CDK5RAP2: variants seen among roughly 807,000 people sequenced by gnomAD.
CDK5RAP2 encodes the protein CDK5 regulatory subunit-associated protein 2.
In CDK5RAP2, 147 loss-of-function variants were observed where a neutral mutation model predicts 232.9. That is an observed-to-expected ratio of 0.63 (90% CI 0.55 to 0.72). The LOEUF (loss-of-function observed/expected upper bound fraction) is 0.72, where lower values mean the gene tolerates loss of function less well. Among genes scored for constraint, CDK5RAP2 ranks in the 30% least tolerant of loss-of-function variants. The probability of loss-of-function intolerance (pLI) is 0.00; values close to 1 mark genes in which losing one functional copy is unlikely to be tolerated. For synonymous variants in CDK5RAP2, 833 were observed against 833.7 expected (o/e 1.00, Z 0.01); for missense variants, 2,195 against 2,231.5 (o/e 0.98, Z 0.33).
At chr9:120,567,504 T>G (rs2042689682) in intron 3 of CDK5RAP2, among the ~76,000 whole-genome samples, 3 of 152,226 alleles carry the variant, frequency 2.0e-5, no homozygotes, top group African/African-American at 7.2e-5. Context: ...AGGGTCTAAT[T>G]CTTCCCATGA....
chr9:120,487,498 G>T, intron 13 of CDK5RAP2, 61 bp from the exon 14 acceptor site: 3 of 1,284,978 alleles, frequency 2.3e-6, no homozygotes, highest in Non-Finnish European at 2.2e-6. Context: ...TTAAGAAACT[G>T]TCCCAAACTC....
At chr9:120,390,696 C>T (rs565895913) in intron 36 of CDK5RAP2, among the ~76,000 whole-genome samples, 1 of 152,252 alleles carries the variant, frequency 6.6e-6, no homozygotes, top group East Asian at 1.9e-4. Flanking sequence ...GCTTACTCCC[C>T]ACGTTGGAAA....
intron 12 of CDK5RAP2, among the ~76,000 whole-genome samples, chr9:120,499,387 GGTTTT>G (rs1005930930): frequency 1.3e-5 from 2 of 151,806 alleles, no homozygotes; most frequent in Non-Finnish European, 2.9e-5. Context: ...AATGAGCAGG[GGTTTT>G]TTTTTTAAAG....
chr9:120,573,548 C>CAA (rs751907820), intron 1 of CDK5RAP2, among the ~76,000 whole-genome samples: 2 of 91,800 alleles, frequency 2.2e-5, no homozygotes, highest in Non-Finnish European at 4.5e-5. Context: ...GACTCCATCT[C>CAA]AAAAAAAAAA....
At position 120,467,943 on chromosome 9, in the gene CDK5RAP2, T is replaced by C. The variant is rs747796158; in HGVS notation, c.2023A>G (p.Lys675Glu). ...KELYTDNQHLKKTIFDLSCMG... is the reference protein window; with the variant it reads ...KELYTDNQHLEKTIFDLSCMG... Reference sequence around the variant, plus strand: ...CAGGAGAGATCAAAAATGGTTTTCTTCAGGTGCTGGTTGTCTGTATACAGC... The same window carrying C: ...CAGGAGAGATCAAAAATGGTTTTCTCCAGGTGCTGGTTGTCTGTATACAGC... The change falls in exon 18 of 38, where the codon AAG becomes GAG. Residue 675 changes from lysine (K) to glutamate (E), a missense_variant. Coordinates refer to ENST00000349780, the MANE Select transcript of CDK5RAP2 (RefSeq NM_018249.6). The C allele has an allele frequency of 6.2e-7, 1 of 1,614,164 alleles. No individual in the cohort carries two copies. The highest frequency in any genetic ancestry group is 8.5e-7 in the Non-Finnish European group (1 of 1,179,996).
intron 11 of CDK5RAP2, among the ~76,000 whole-genome samples, chr9:120,522,155 A>G (rs1253898064): frequency 6.6e-6 from 1 of 152,144 alleles, no homozygotes. Flanking sequence ...ATATGCACAC[A>G]CCCCCATACA....
chr9:120,481,465 C>A (rs937812235), intron 14 of CDK5RAP2, among the ~76,000 whole-genome samples: 1 of 150,652 alleles, frequency 6.6e-6, no homozygotes, highest in African/African-American at 2.4e-5. Context: ...TGACCTTGAA[C>A]AAGTTACTCA....
intron 32 of CDK5RAP2, among the ~76,000 whole-genome samples, chr9:120,404,320 G>GA (rs1455393390): frequency 2.6e-5 from 4 of 152,304 alleles, no homozygotes; most frequent in African/African-American, 9.6e-5. Context: ...CCATTCCCTA[G>GA]AAAAACTCTC....
rs2042391027 is a variant in CDK5RAP2, at chr9:120,559,630, G to C, written c.195+8691C>G. On this transcript the variant is annotated intron_variant, in intron 3 of 37. Transcript: ENST00000349780. ...CTGAAAACAGCTTACAATACAGTAG[G>C]AATAATTACCCAAAATATAAAACCC... is the stretch of plus-strand genomic sequence containing the variant. Among the ~76,000 whole-genome samples the C allele has an allele frequency of 3.4e-5, 5 of 145,350 alleles. No individual in the cohort carries two copies. The South Asian group carries it at 1.1e-3, about 31-fold the overall frequency.
intron 28 of CDK5RAP2, among the ~76,000 whole-genome samples, chr9:120,413,801 A>G (rs2034005326): frequency 7.6e-6 from 1 of 132,014 alleles, no homozygotes; most frequent in African/African-American, 2.8e-5. Flanking sequence ...AAATGGGCGC[A>G]GTGAGCGAGG....
chr9:120,469,868 G>A (rs1217292468), intron 17 of CDK5RAP2, among the ~76,000 whole-genome samples: 1 of 152,116 alleles, frequency 6.6e-6, no homozygotes, highest in Admixed American at 6.6e-5. Flanking sequence ...CTAAACTGAG[G>A]GGCCAGAGAG....
intron 34 of CDK5RAP2, 61 bp from the exon 35 acceptor site, chr9:120,400,946 C>T: frequency 6.3e-7 from 1 of 1,584,340 alleles, no homozygotes. Context: ...GACAAGCAAG[C>T]CTTAACATGC....
At chr9:120,425,654 A>C (rs576509975) in intron 25 of CDK5RAP2, among the ~76,000 whole-genome samples, 1 of 152,334 alleles carries the variant, frequency 6.6e-6, no homozygotes, top group South Asian at 2.1e-4. Context: ...CACTTTTGAA[A>C]CAGTACTTCC....
chr9:120,522,789 G>C (rs2040728542), intron 11 of CDK5RAP2, among the ~76,000 whole-genome samples: 1 of 152,200 alleles, frequency 6.6e-6, no homozygotes, highest in African/African-American at 2.4e-5. Context: ...TGTCAGGCTT[G>C]ATGCCAACCC....
At chr9:120,391,456 C>T (rs1427630845) in intron 36 of CDK5RAP2, among the ~76,000 whole-genome samples, 1 of 152,228 alleles carries the variant, frequency 6.6e-6, no homozygotes, top group Non-Finnish European at 1.5e-5. Flanking sequence ...TTCTTCCCAC[C>T]TCAGCAGAGT....
intron 27 of CDK5RAP2, among the ~76,000 whole-genome samples, chr9:120,418,974 C>T (rs1256987412): frequency 6.6e-6 from 1 of 152,224 alleles, no homozygotes; most frequent in Non-Finnish European, 1.5e-5. Flanking sequence ...ATGCTTGTGT[C>T]TCCAAAATTC....
At chr9:120,434,508 G>A (rs920110196) in intron 25 of CDK5RAP2, among the ~76,000 whole-genome samples, 1 of 152,174 alleles carries the variant, frequency 6.6e-6, no homozygotes, top group Admixed American at 6.5e-5. Context: ...ATTATTGTGT[G>A]GAAAATGCAC....
chr9:120,429,619 C>G (rs1411267489), intron 25 of CDK5RAP2, among the ~76,000 whole-genome samples: 2 of 152,142 alleles, frequency 1.3e-5, no homozygotes, highest in Non-Finnish European at 2.9e-5. Flanking sequence ...AGGATACAAA[C>G]AAATGGAAGA....
At chr9:120,540,844 C>A (rs2041601939) in intron 5 of CDK5RAP2, among the ~76,000 whole-genome samples, 1 of 152,240 alleles carries the variant, frequency 6.6e-6, no homozygotes, top group Non-Finnish European at 1.5e-5. Context: ...GAGGCCCACA[C>A]AGCACTGGCT....
Sources: gnomAD v4.1 joint callset for allele counts (sites outside exome capture counted in the v4.1 genomes callset) on GRCh38, gnomAD v4.1.1 for gene constraint, MANE v1.5 for transcripts, NCBI Gene and HGNC (gene_info 2026-07-23, HGNC 2026-07-21) for gene names.